The following DEUP1 variants were observed in gnomAD, a reference collection of about 807,000 sequenced individuals.
DEUP1 encodes the protein coiled-coil domain containing 67.
In DEUP1, 82 loss-of-function variants were observed where a neutral mutation model predicts 87.4. The ratio of observed to expected loss-of-function variants is 0.94; its 90% CI spans 0.78 to 1.13. The LOEUF (loss-of-function observed/expected upper bound fraction) is 1.13. Ranked by LOEUF, DEUP1 falls within the 50% of genes most tolerant of loss-of-function variation. The pLI, the probability that DEUP1 is intolerant of heterozygous loss-of-function variation, is 0.00. For missense variants in DEUP1, 663 were observed against 681.5 expected, an observed-to-expected ratio of 0.97 and a Z score of 0.30; for synonymous variants, 214 against 222.7, an observed-to-expected ratio of 0.96 and a Z score of 0.35.
chr11:93,341,200 T>C (rs1477779185), intron 2 of DEUP1, among the ~76,000 whole-genome samples: 1 of 151,922 alleles, frequency 6.6e-6, no homozygotes, highest in Non-Finnish European at 1.5e-5. Flanking sequence ...GGAGGATTGC[T>C]TGGCACCAGG....
intron 12 of DEUP1, chr11:93,411,292 C>A (rs1466917178): frequency 2.6e-5 from 4 of 152,136 alleles, no homozygotes; most frequent in African/African-American, 9.7e-5. Flanking sequence ...ATGGCTAATG[C>A]AGTGAGGTCT....
chr11:93,373,876 T>A (rs2925938), intron 7 of DEUP1, among the ~76,000 whole-genome samples: 122,283 of 151,792 alleles, frequency 0.81, 49,374 homozygotes, highest in East Asian at 0.89. Context: ...ATTGTTTTCC[T>A]TAGTGGTTAT....
At chr11:93,342,063 T>C (rs949325030) in intron 2 of DEUP1, among the ~76,000 whole-genome samples, 3 of 152,202 alleles carry the variant, frequency 2.0e-5, no homozygotes, top group African/African-American at 4.8e-5. Context: ...ATTCTTAACT[T>C]ACGTGAACCT....
chr11:93,361,277 A>T (rs1004817639), intron 4 of DEUP1, among the ~76,000 whole-genome samples: 9 of 152,284 alleles, frequency 5.9e-5, no homozygotes, highest in African/African-American at 2.2e-4. Flanking sequence ...AAGAATGGCT[A>T]AAGAAAGTTC....
Position 93,355,545 on chromosome 11 carries a change from AC to A in DEUP1, c.201+4del. 2 of 1,611,232 alleles carry A rather than the reference AC, an allele frequency of 1.2e-6. No homozygotes were observed. Among genetic ancestry groups the A allele is most frequent in the Non-Finnish European group, 1.7e-6 (2 of 1,178,468 alleles). On this transcript the variant is annotated splice_donor_region_variant and intron_variant, in intron 3 of 13. Coordinates refer to ENST00000298050, the MANE Select transcript of DEUP1 (RefSeq NM_181645.4). ...GTTTGGATCAGAAAGGTCAAGAGGT[AC>A]TGAATACATATGTTAACAAATTGCT... is the stretch of plus-strand genomic sequence containing the variant.
intron 11 of DEUP1, among the ~76,000 whole-genome samples, chr11:93,400,694 G>A (rs1446704734): frequency 6.6e-6 from 1 of 152,088 alleles, no homozygotes; most frequent in Non-Finnish European, 1.5e-5. Flanking sequence ...GATTCTATAT[G>A]ATAATATTTT....
At chr11:93,356,850 C>A in intron 3 of DEUP1, 98 bp from the exon 4 acceptor site, 1 of 737,222 alleles carries the variant, frequency 1.4e-6, no homozygotes, top group Non-Finnish European at 2.3e-6. Context: ...TGGTTTGGTA[C>A]AGCCATTTTA....
intron 4 of DEUP1, among the ~76,000 whole-genome samples, chr11:93,362,588 T>C (rs1208918938): frequency 6.6e-6 from 1 of 151,820 alleles, no homozygotes; most frequent in African/African-American, 2.4e-5. Context: ...TGTAACCCAA[T>C]GTATTGTGAA....
chr11:93,358,116 T>C (rs1321673185), intron 4 of DEUP1, among the ~76,000 whole-genome samples: 1 of 152,216 alleles, frequency 6.6e-6, no homozygotes, highest in Non-Finnish European at 1.5e-5. Context: ...TGTAGTAGGT[T>C]TGAAAACCAC....
chr11:93,357,375 T>C, intron 4 of DEUP1: 1 of 175,348 alleles, frequency 5.7e-6, no homozygotes, highest in Non-Finnish European at 1.2e-5. Context: ...TGGTTATTAC[T>C]ATCTAATAAA....
intron 9 of DEUP1, among the ~76,000 whole-genome samples, chr11:93,391,645 T>C (rs918708103): frequency 4.0e-5 from 6 of 148,686 alleles, no homozygotes; most frequent in Admixed American, 4.0e-4. Context: ...GAGGTGGAGG[T>C]TGCAGTGAAC....
At chr11:93,416,515 T>G (rs1272122355) in intron 13 of DEUP1, among the ~76,000 whole-genome samples, 8 of 151,742 alleles carry the variant, frequency 5.3e-5, no homozygotes, top group African/African-American at 9.7e-5. Flanking sequence ...AATAACAGGA[T>G]CTGAAATTGT....
At chr11:93,409,624 A>C (rs935398526) in intron 12 of DEUP1, among the ~76,000 whole-genome samples, 2 of 152,204 alleles carry the variant, frequency 1.3e-5, no homozygotes, top group African/African-American at 4.8e-5. Flanking sequence ...ACCCAACTTC[A>C]TTGCAACATT....
At chr11:93,379,712 C>T (rs546165225) in intron 7 of DEUP1, among the ~76,000 whole-genome samples, 2 of 152,074 alleles carry the variant, frequency 1.3e-5, no homozygotes, top group African/African-American at 4.8e-5. Context: ...CACACTTCTT[C>T]CTACTCCGCA....
chr11:93,384,232 C>T (rs762536812), intron 7 of DEUP1, among the ~76,000 whole-genome samples: 10 of 152,144 alleles, frequency 6.6e-5, no homozygotes, highest in South Asian at 4.1e-4. Flanking sequence ...AACTCTTCAC[C>T]ACTCTCAAAA....
At chr11:93,361,020 A>G (rs1189319667) in intron 4 of DEUP1, among the ~76,000 whole-genome samples, 1 of 152,136 alleles carries the variant, frequency 6.6e-6, no homozygotes, top group Non-Finnish European at 1.5e-5. Flanking sequence ...TCTGAAAACC[A>G]AAAGACAAAG....
At chr11:93,385,946 G>C (rs765729600) in intron 8 of DEUP1, among the ~76,000 whole-genome samples, 2 of 151,868 alleles carry the variant, frequency 1.3e-5, no homozygotes, top group Non-Finnish European at 2.9e-5. Context: ...CCATCTACTT[G>C]GGAGGCTGAG....
chr11:93,393,454 CT>C (rs1277890733), intron 9 of DEUP1, among the ~76,000 whole-genome samples: 10 of 151,888 alleles, frequency 6.6e-5, no homozygotes, highest in African/African-American at 2.4e-4. Flanking sequence ...TCCTTCCCAC[CT>C]CAGCTTCCCA....
At chr11:93,431,706 G>T (rs1464850947) in intron 13 of DEUP1, among the ~76,000 whole-genome samples, 3 of 152,204 alleles carry the variant, frequency 2.0e-5, no homozygotes, top group African/African-American at 7.2e-5. Context: ...AAGAGATGAT[G>T]CTGGCTTGGT....
Sources: allele counts gnomAD v4.1 joint callset (sites outside exome capture counted in the v4.1 genomes callset), GRCh38; gene constraint gnomAD v4.1.1; transcripts MANE v1.5; gene names NCBI Gene and HGNC (gene_info 2026-07-23, HGNC 2026-07-21).